The following GPATCH2L variants were observed in gnomAD, a reference collection of about 807,000 sequenced individuals.
The protein encoded by GPATCH2L is G patch domain-containing protein 2-like.
A neutral mutation model predicts 57.4 loss-of-function variants in GPATCH2L; 31 were observed. The ratio of observed to expected loss-of-function variants is 0.54; its 90% CI spans 0.41 to 0.73. GPATCH2L has a LOEUF of 0.73. GPATCH2L is among the 30% of genes least tolerant of loss of function. The pLI is 0.00. For synonymous variants in GPATCH2L, 199 were observed against 210.7 expected (o/e 0.94, Z 0.48); for missense variants, 481 against 599.9 (o/e 0.80, Z 2.07).
chr14:76,216,750 A>G (rs542329582), downstream of GPATCH2L, among the ~76,000 whole-genome samples: 1 of 152,282 alleles, frequency 6.6e-6, no homozygotes, highest in African/African-American at 2.4e-5. Flanking sequence ...TTAAGAGAGC[A>G]CTTGGTAGGA....
intron 9 of GPATCH2L, 42 bp from the exon 10 acceptor site, chr14:76,201,648 TC>T (rs1199247321): frequency 1.4e-6 from 2 of 1,449,954 alleles, no homozygotes; most frequent in African/African-American, 2.9e-5. Context: ...TTCTAATTTA[TC>T]TCCCCTTGAT....
At chr14:76,228,911 C>T (rs2040548478) in intron 1 of GPATCH2L, among the ~76,000 whole-genome samples, 1 of 152,160 alleles carries the variant, frequency 6.6e-6, no homozygotes, top group Non-Finnish European at 1.5e-5. Context: ...TGCCCACCAT[C>T]GACAGGGAAG....
At chr14:76,187,149 G>T (rs957151744) in intron 8 of GPATCH2L, among the ~76,000 whole-genome samples, 2 of 151,764 alleles carry the variant, frequency 1.3e-5, no homozygotes, top group Non-Finnish European at 2.9e-5. Context: ...AACCTTAAAG[G>T]TAAAATCACA....
At chr14:76,177,709 T>G (rs3742761) in intron 6 of GPATCH2L, among the ~76,000 whole-genome samples, 4,102 of 151,074 alleles carry the variant, frequency 0.027, 114 homozygotes, top group East Asian at 0.13. Flanking sequence ...TTTTTTTTGT[T>G]TTTGTTTTTG....
At position 76,173,755 on chromosome 14, in the gene GPATCH2L, G is replaced by A. The variant is rs866889375; in HGVS notation, c.984+130G>A. 14 of 654,596 alleles carry A rather than the reference G, an allele frequency of 2.1e-5. No homozygotes were observed. In the Middle Eastern group the frequency reaches 1.3e-3, roughly 61 times the overall value. The allele number at this position is 654,596 out of a possible 1,614,324, so 40.5% of individuals were successfully genotyped here. A position where few individuals can be genotyped will look rare whatever the true frequency, so the allele number is the denominator to read the frequency against. ...AATGGAGCCAACTGGAATGTGTTGG[G>A]AGTTTACAAGAGTGAACATTATGTA... On this transcript the variant is annotated intron_variant, in intron 5 of 9. Coordinates refer to ENST00000261530, the MANE Select transcript of GPATCH2L (RefSeq NM_017926.4).
chr14:76,192,876 G>A (rs1384147853), intron 8 of GPATCH2L, among the ~76,000 whole-genome samples: 2 of 152,272 alleles, frequency 1.3e-5, no homozygotes, highest in African/African-American at 4.8e-5. Flanking sequence ...AAAATCTGAA[G>A]GATTTAAGAT....
intron 6 of GPATCH2L, among the ~76,000 whole-genome samples, chr14:76,177,712 TG>T (rs1225516237): frequency 4.0e-5 from 6 of 151,228 alleles, no homozygotes; most frequent in African/African-American, 1.2e-4. Flanking sequence ...TTTTTGTTTT[TG>T]TTTTTGCAAA....
At chr14:76,222,672 C>G (rs536385791) in intron 1 of GPATCH2L, among the ~76,000 whole-genome samples, 62 of 151,654 alleles carry the variant, frequency 4.1e-4, no homozygotes, top group African/African-American at 1.4e-3. Flanking sequence ...GAAGTTGAAT[C>G]TGGGCTGGGC....
In GPATCH2L at chr14:76,195,880, A is replaced by G. The variant is rs750605336; in HGVS notation, c.1196A>G (p.Gln399Arg). Residue 399 changes from glutamine (Q) to arginine (R), a missense_variant and splice_region_variant, in exon 9 of 10, where the codon CAG (glutamine) becomes CGG (arginine). Gln to Arg is a conservative substitution (Grantham distance 43). Coordinates refer to ENST00000261530, the MANE Select transcript of GPATCH2L (RefSeq NM_017926.4). ...TTTTCTTCTTCTTACATCTGCAGAC[A>G]GGCAAATGTACACTGGGGACCACCA... ...RCSPAHCSAR[Q>R]ANVHWGPPCS... 2.6e-5 allele frequency: 42 copies of G among 1,610,726 alleles called. No individual in the cohort carries two copies. Among genetic ancestry groups the G allele is most frequent in the Non-Finnish European group, 3.1e-5 (37 of 1,176,932 alleles).
intron 3 of GPATCH2L, 38 bp from the exon 4 acceptor site, chr14:76,171,805 T>G (rs1453055738): frequency 7.5e-7 from 1 of 1,341,464 alleles, no homozygotes; most frequent in Admixed American, 2.4e-5. Flanking sequence ...CAGACCTTGT[T>G]TAAAATTCTA....
intron 2 of GPATCH2L, chr14:76,234,467 G>C (rs1313329109): frequency 6.6e-6 from 1 of 152,196 alleles, no homozygotes. Flanking sequence ...TGTTATAGAA[G>C]AGTCTGTCTT....
chr14:76,154,583 A>G lies in GPATCH2L; in HGVS notation c.220A>G (p.Lys74Glu). Residue 74 changes from lysine (K) to glutamate (E), a missense_variant, in exon 2 of 10, where the codon AAG (lysine) becomes GAG (glutamate). Around this residue, in one of 3 missense-constraint regions of GPATCH2L, gnomAD observed 208 missense variants for 272.4 expected, o/e 0.76. Transcript: ENST00000261530. The surrounding 1 kb of genome is among the most constrained non-coding windows in gnomAD (Gnocchi z 4.4). The part of the protein sequence containing the change: ...ASESSLDEAT[K>E]DCREVAPVTN... ...TGAGTCAAGTCTGGATGAGGCCACTAAGGACTGTCGAGAAGTGGCTCCGGT... is the reference window on the plus strand; with the variant it reads ...TGAGTCAAGTCTGGATGAGGCCACTGAGGACTGTCGAGAAGTGGCTCCGGT... 1.2e-6 allele frequency: 2 copies of G among 1,614,214 alleles called. No individual in the cohort carries two copies. The highest frequency in any genetic ancestry group is 1.1e-5 in the South Asian group (1 of 91,080).
chr14:76,169,268 G>T (rs1172452149), intron 3 of GPATCH2L, among the ~76,000 whole-genome samples: 1 of 152,042 alleles, frequency 6.6e-6, no homozygotes, highest in Non-Finnish European at 1.5e-5. Flanking sequence ...ATTGTTTGTA[G>T]GTACGAGTCT....
At chr14:76,215,280 A>G (rs373480750), downstream of GPATCH2L, among the ~76,000 whole-genome samples, 3,032 of 151,484 alleles carry the variant, frequency 0.02, 59 homozygotes, top group South Asian at 0.064. Context: ...GTGCTGGAGA[A>G]GATGTGGAGA....
At chr14:76,165,339 A>G (rs2038780106) in intron 2 of GPATCH2L, among the ~76,000 whole-genome samples, 1 of 151,942 alleles carries the variant, frequency 6.6e-6, no homozygotes, top group Non-Finnish European at 1.5e-5. Context: ...TAAAAATACA[A>G]AAATTAGCTG....
chr14:76,172,771 TG>T (rs1399256257), intron 4 of GPATCH2L, among the ~76,000 whole-genome samples: 1 of 152,240 alleles, frequency 6.6e-6, no homozygotes. Context: ...TGAACATCTG[TG>T]GGTGATCAGA....
intron 8 of GPATCH2L, among the ~76,000 whole-genome samples, chr14:76,190,253 A>G (rs1160260626): frequency 6.6e-6 from 1 of 152,090 alleles, no homozygotes; most frequent in Non-Finnish European, 1.5e-5. Context: ...TGTTGTGTTT[A>G]TGCTTGGATA....
downstream of GPATCH2L, among the ~76,000 whole-genome samples, chr14:76,218,819 G>A (rs560435270): frequency 6.7e-4 from 102 of 151,950 alleles, 1 homozygote; most frequent in African/African-American, 2.3e-3. Flanking sequence ...TACGAGAATT[G>A]AGAATATGAT....
intron 4 of GPATCH2L, 65 bp downstream of exon 4, chr14:76,172,084 C>G (rs903205354): frequency 3.0e-5 from 31 of 1,031,834 alleles, no homozygotes; most frequent in African/African-American, 2.8e-4. Flanking sequence ...GCAATCACCC[C>G]CTAGCAAGCA....
Sources: gnomAD v4.1 joint callset for allele counts (sites outside exome capture counted in the v4.1 genomes callset) on GRCh38, gnomAD v4.1.1 for gene constraint, gnomAD v4.1.1 regional missense constraint, Gnocchi (gnomAD v3.1) non-coding constraint, MANE v1.5 for transcripts, NCBI Gene and HGNC (gene_info 2026-07-23, HGNC 2026-07-21) for gene names.